CSMD1: variants seen among roughly 807,000 people sequenced by gnomAD.
CSMD1 encodes the protein CUB and Sushi multiple domains 1.
Under a neutral mutation model 417.5 loss-of-function variants are expected in CSMD1, and 213 were observed. The observed-to-expected ratio is 0.51, with a 90% CI of 0.46 to 0.57. CSMD1 has a LOEUF of 0.57. CSMD1 is among the 20% of genes least tolerant of loss of function. CSMD1 has a pLI of 0.00. For missense variants in CSMD1, 6,923 were observed against 4,529.7 expected, an observed-to-expected ratio of 1.53 and a Z score of -15.17; for synonymous variants, 2,862 against 1,736.8, an observed-to-expected ratio of 1.65 and a Z score of -16.11.
intron 51 of CSMD1, among the ~76,000 whole-genome samples, chr8:3,027,035 C>T (rs1168238179): frequency 2.0e-5 from 3 of 151,964 alleles, no homozygotes; most frequent in East Asian, 1.9e-4. Context: ...TCACACACTA[C>T]GACATCTAAG....
intron 3 of CSMD1, among the ~76,000 whole-genome samples, chr8:4,269,359 C>A (rs1020077071): frequency 6.6e-6 from 1 of 152,200 alleles, no homozygotes; most frequent in Non-Finnish European, 1.5e-5. Context: ...AGCCACTGTG[C>A]CTGGCTCCAT....
chr8:2,998,150 G>T lies in CSMD1; in HGVS notation c.8238C>A (p.His2746Gln). 1 of 1,614,008 alleles carries T rather than the reference G, an allele frequency of 6.2e-7. No individual in the cohort carries two copies. The highest frequency in any genetic ancestry group is 8.5e-7 in the Non-Finnish European group (1 of 1,179,878). ...TGAACTCACTGCCATTAGTGAATCC[G>T]TGGGCAGGGTTTCCAGGGTGACCAC... ...ITCGHPGNPA[H>Q]GFTNGSEFNL... Residue 2746 changes from histidine (H) to glutamine (Q), a missense_variant, in exon 54 of 70, where the codon CAC (histidine) becomes CAA (glutamine). His to Gln is a conservative substitution (Grantham distance 24). Transcript: ENST00000635120.
chr8:4,237,630 C>G (rs948530749), intron 3 of CSMD1, among the ~76,000 whole-genome samples: 2 of 151,972 alleles, frequency 1.3e-5, no homozygotes, highest in African/African-American at 4.8e-5. Context: ...AACCTCCTGC[C>G]TCACCCTTTC....
chr8:4,503,573 A>C (rs903086422), intron 2 of CSMD1, among the ~76,000 whole-genome samples: 1 of 152,174 alleles, frequency 6.6e-6, no homozygotes, highest in Non-Finnish European at 1.5e-5. Flanking sequence ...GTATATGATA[A>C]ACATATAAAA....
intron 1 of CSMD1, among the ~76,000 whole-genome samples, chr8:4,726,523 G>A (rs572969459): frequency 2.0e-4 from 31 of 152,060 alleles, no homozygotes; most frequent in Admixed American, 1.5e-3. Flanking sequence ...GGGCTTTAAT[G>A]AGAATACAAG....
chr8:3,162,344 C>A, intron 37 of CSMD1, 67 bp from the exon 38 acceptor site: 1 of 1,035,592 alleles, frequency 9.7e-7, no homozygotes, highest in Non-Finnish European at 1.5e-6. Flanking sequence ...TTTGAATAAC[C>A]AAAGTTTATT....
chr8:4,900,386 T>C (rs908036434), intron 1 of CSMD1, among the ~76,000 whole-genome samples: 2 of 152,172 alleles, frequency 1.3e-5, no homozygotes, highest in Admixed American at 6.5e-5. Context: ...ACGAACCTCC[T>C]TCCGCACGCC....
At chr8:4,192,344 C>G (rs17069310) in intron 3 of CSMD1, among the ~76,000 whole-genome samples, 4,266 of 152,196 alleles carry the variant, frequency 0.028, 217 homozygotes, top group African/African-American at 0.097. Flanking sequence ...GAGCTATAAT[C>G]AGCAGTTCTT....
intron 1 of CSMD1, among the ~76,000 whole-genome samples, chr8:4,737,704 G>A (rs1393604452): frequency 1.3e-5 from 2 of 152,216 alleles, no homozygotes; most frequent in Admixed American, 6.5e-5. Context: ...TAATTCGGCT[G>A]CTGAAGTACC....
chr8:3,937,491 A>G (rs1048073953), intron 5 of CSMD1, among the ~76,000 whole-genome samples: 2 of 152,148 alleles, frequency 1.3e-5, no homozygotes, highest in Non-Finnish European at 2.9e-5. Flanking sequence ...CAGCAAAAAG[A>G]TGATGAGTCA....
chr8:4,755,084 G>T (rs532408265), intron 1 of CSMD1, among the ~76,000 whole-genome samples: 229 of 152,262 alleles, frequency 1.5e-3, no homozygotes, highest in African/African-American at 5.3e-3. Context: ...GTTGCAGTGA[G>T]CCGATATGGT....
At chr8:3,465,550 T>A (rs935382258) in intron 12 of CSMD1, among the ~76,000 whole-genome samples, 4 of 152,096 alleles carry the variant, frequency 2.6e-5, no homozygotes, top group Non-Finnish European at 5.9e-5. Context: ...GGAGATTTTC[T>A]CAGAGACAAC....
At chr8:4,380,261 A>T (rs1563113293) in intron 3 of CSMD1, among the ~76,000 whole-genome samples, 1 of 152,196 alleles carries the variant, frequency 6.6e-6, no homozygotes, top group East Asian at 1.9e-4. Flanking sequence ...AGCCTGACAA[A>T]CACCTCTGCC....
chr8:3,046,010 G>T (rs1400179855), intron 50 of CSMD1, among the ~76,000 whole-genome samples: 2 of 152,180 alleles, frequency 1.3e-5, no homozygotes, highest in Non-Finnish European at 2.9e-5. Context: ...ACACGATGTG[G>T]GTGGGGCTCC....
chr8:3,133,253 C>G (rs1393631229), intron 41 of CSMD1, among the ~76,000 whole-genome samples: 1 of 152,184 alleles, frequency 6.6e-6, no homozygotes, highest in Non-Finnish European at 1.5e-5. Flanking sequence ...TTCTTGGCTG[C>G]TGCTGTCTTC....
chr8:3,191,178 G>C (rs1796400172), intron 33 of CSMD1, among the ~76,000 whole-genome samples: 1 of 152,202 alleles, frequency 6.6e-6, no homozygotes, highest in African/African-American at 2.4e-5. Context: ...GCCCCAGCCG[G>C]GTGCAGTGGC....
At chr8:3,926,556 A>C (rs1480038256) in intron 5 of CSMD1, among the ~76,000 whole-genome samples, 2 of 151,714 alleles carry the variant, frequency 1.3e-5, no homozygotes, top group African/African-American at 4.8e-5. Context: ...TTTTTGATTT[A>C]ATTTTTGATG....
chr8:3,413,261 T>C (rs1482956619), intron 12 of CSMD1, among the ~76,000 whole-genome samples: 1 of 150,862 alleles, frequency 6.6e-6, no homozygotes, highest in Non-Finnish European at 1.5e-5. Context: ...TATGGCATTT[T>C]GGGGATACTA....
chr8:4,769,932 A>T (rs1412813964), intron 1 of CSMD1, among the ~76,000 whole-genome samples: 1 of 152,190 alleles, frequency 6.6e-6, no homozygotes, highest in Non-Finnish European at 1.5e-5. Flanking sequence ...GGGATTAAAA[A>T]TAAGAACAAT....
Sources: gnomAD v4.1 joint callset for allele counts (sites outside exome capture counted in the v4.1 genomes callset) on GRCh38, gnomAD v4.1.1 for gene constraint, MANE v1.5 for transcripts, NCBI Gene and HGNC (gene_info 2026-07-23, HGNC 2026-07-21) for gene names.